The following CDYL variants were observed in gnomAD, a reference collection of about 807,000 sequenced individuals.
CDYL encodes the protein chromodomain Y like.
CDYL carries 8 observed loss-of-function variants against 47.3 expected under a neutral mutation model. The ratio of observed to expected loss-of-function variants is 0.17; its 90% CI spans 0.10 to 0.31. The LOEUF (loss-of-function observed/expected upper bound fraction) is 0.31, where lower values mean the gene tolerates loss of function less well. CDYL is among the 10% of genes least tolerant of loss of function. The probability of loss-of-function intolerance (pLI) is 1.00; values close to 1 mark genes in which losing one functional copy is unlikely to be tolerated. For synonymous variants in CDYL, 266 were observed against 265.0 expected, an observed-to-expected ratio of 1.00 and a Z score of -0.04; for missense variants, 471 against 701.4, an observed-to-expected ratio of 0.67 and a Z score of 3.71.
At chr6:4,716,351 C>T (rs1022700963) in intron 2 of CDYL, among the ~76,000 whole-genome samples, 13 of 152,092 alleles carry the variant, frequency 8.5e-5, no homozygotes, top group Admixed American at 8.5e-4. Flanking sequence ...AACGCCTTCT[C>T]TCTCGCAAGC....
At chr6:4,808,300 A>G (rs752774525) in intron 1 of CDYL, among the ~76,000 whole-genome samples, 6 of 152,236 alleles carry the variant, frequency 3.9e-5, no homozygotes, top group Non-Finnish European at 8.8e-5. Context: ...ATCTCTCTGC[A>G]TATGCAGTTA....
chr6:4,825,379 T>G (rs1447005105), intron 1 of CDYL, among the ~76,000 whole-genome samples: 1 of 152,184 alleles, frequency 6.6e-6, no homozygotes. Flanking sequence ...AGTGATAGTT[T>G]TACTTCTTTT....
At chr6:4,820,436 C>T (rs1376320787) in intron 1 of CDYL, among the ~76,000 whole-genome samples, 1 of 151,892 alleles carries the variant, frequency 6.6e-6, no homozygotes. Context: ...GCTTGTACCA[C>T]GGTAAAGAGA....
chr6:4,880,544 A>G (rs1761736734), intron 1 of CDYL, among the ~76,000 whole-genome samples: 1 of 152,198 alleles, frequency 6.6e-6, no homozygotes, highest in South Asian at 2.1e-4. Flanking sequence ...TTTCTTGGGT[A>G]AATACTAGGG....
intron 1 of CDYL, among the ~76,000 whole-genome samples, chr6:4,838,105 T>A (rs1319390613): frequency 6.6e-6 from 1 of 152,180 alleles, no homozygotes; most frequent in Non-Finnish European, 1.5e-5. Context: ...ATTTTTATCA[T>A]GTATCTATTG....
At chr6:4,734,746 C>G in intron 2 of CDYL, 1 of 1,613,672 alleles carries the variant, frequency 6.2e-7, no homozygotes, top group Non-Finnish European at 8.5e-7. Flanking sequence ...GAAACTTTCT[C>G]ATTATTCTGT....
chr6:4,880,850 A>G (rs537006161), intron 1 of CDYL, among the ~76,000 whole-genome samples: 1 of 152,160 alleles, frequency 6.6e-6, no homozygotes, highest in Non-Finnish European at 1.5e-5. Flanking sequence ...TCTTTTGCCC[A>G]TTTTTAAATC....
intron 1 of CDYL, among the ~76,000 whole-genome samples, chr6:4,829,792 C>G (rs116004606): frequency 6.6e-6 from 1 of 152,290 alleles, no homozygotes; most frequent in African/African-American, 2.4e-5. Context: ...TTAGAACATA[C>G]CTACACAATT....
chr6:4,860,466 G>A (rs768025506), intron 1 of CDYL, among the ~76,000 whole-genome samples: 28 of 148,648 alleles, frequency 1.9e-4, no homozygotes, highest in Non-Finnish European at 3.7e-4. Context: ...ATTATATTAG[G>A]GTTCTCTTAG....
intron 2 of CDYL, among the ~76,000 whole-genome samples, chr6:4,903,694 C>G (rs1757140123): frequency 6.6e-6 from 1 of 152,212 alleles, no homozygotes; most frequent in Admixed American, 6.5e-5. Context: ...GTGCTCGGCC[C>G]CTGCAGCTGG....
At chr6:4,798,939 G>A (rs1561643098) in intron 1 of CDYL, among the ~76,000 whole-genome samples, 1 of 152,158 alleles carries the variant, frequency 6.6e-6, no homozygotes, top group Non-Finnish European at 1.5e-5. Flanking sequence ...GCGTTCATTA[G>A]CAGATACTTG....
At chr6:4,803,008 T>C (rs1207259079) in intron 1 of CDYL, among the ~76,000 whole-genome samples, 1 of 152,148 alleles carries the variant, frequency 6.6e-6, no homozygotes, top group Non-Finnish European at 1.5e-5. Context: ...CCCCACACTA[T>C]CCCTTTCCTG....
chr6:4,948,409 G>A (rs993377119), intron 5 of CDYL, among the ~76,000 whole-genome samples: 2 of 152,184 alleles, frequency 1.3e-5, no homozygotes. Flanking sequence ...CAGGACGAAT[G>A]CCTGCCCTCT....
At chr6:4,761,231 G>C (rs1319942596) in intron 3 of CDYL, among the ~76,000 whole-genome samples, 1 of 152,170 alleles carries the variant, frequency 6.6e-6, no homozygotes, top group Non-Finnish European at 1.5e-5. Flanking sequence ...GTGTTAAACA[G>C]ATCTTTAAAC....
intron 1 of CDYL, among the ~76,000 whole-genome samples, chr6:4,807,557 A>G: frequency 6.8e-6 from 1 of 147,790 alleles, no homozygotes; most frequent in East Asian, 2.0e-4. Flanking sequence ...TGCAAGGAGA[A>G]GCTATTCCTT....
intron 2 of CDYL, among the ~76,000 whole-genome samples, chr6:4,932,745 G>T (rs1758067812): frequency 6.6e-6 from 1 of 152,190 alleles, no homozygotes; most frequent in South Asian, 2.1e-4. Context: ...CGTAGCCTCT[G>T]CCTGCATCTG....
chr6:4,808,843 T>G (rs1037183600), intron 1 of CDYL, among the ~76,000 whole-genome samples: 1 of 152,256 alleles, frequency 6.6e-6, no homozygotes, highest in Non-Finnish European at 1.5e-5. Flanking sequence ...TGTGGTTATT[T>G]TATTCATTTG....
At chr6:4,740,549 C>T (rs560766011) in intron 3 of CDYL, among the ~76,000 whole-genome samples, 29 of 152,244 alleles carry the variant, frequency 1.9e-4, no homozygotes, top group South Asian at 6.2e-4. Context: ...CATAAATAAC[C>T]GTTGCATTGA....
In CDYL at chr6:4,954,874, A is replaced by G. The variant is rs917578582; in HGVS notation, c.*818A>G. 2.0e-5 allele frequency: 3 copies of G among 152,352 alleles called. No homozygotes were observed. The highest frequency in any genetic ancestry group is 1.9e-4 in the East Asian group (1 of 5,192). 9.4% of individuals were successfully genotyped at this position (152,352 alleles called of 1,614,324 possible). On this transcript the variant is annotated 3_prime_UTR_variant, in exon 7 of 7. Transcript: ENST00000397588. ...TCTGACCCTTCTGAAAAATAACTAC[A>G]TAAGTGCTTCTTGTTGCTGGGTGAG...
Sources: allele counts gnomAD v4.1 joint callset (sites outside exome capture counted in the v4.1 genomes callset), GRCh38; gene constraint gnomAD v4.1.1; transcripts MANE v1.5; gene names NCBI Gene and HGNC (gene_info 2026-07-23, HGNC 2026-07-21).